Variants in ANKH observed in about 807,000 individuals in gnomAD.
ANKH encodes ANKH inorganic pyrophosphate transport regulator, also known as mineralization regulator ANKH.
Under a neutral mutation model 49.0 loss-of-function variants are expected in ANKH, and 15 were observed. That is an observed-to-expected ratio of 0.31 (90% CI 0.20 to 0.47). The LOEUF (loss-of-function observed/expected upper bound fraction) is 0.47, where lower values mean the gene tolerates loss of function less well. Ranked by LOEUF, ANKH falls within the 20% of genes least tolerant of loss-of-function variation. The pLI, the probability that ANKH is intolerant of heterozygous loss-of-function variation, is 1.00. For synonymous variants in ANKH, 273 were observed against 260.0 expected (o/e 1.05, Z -0.48); for missense variants, 429 against 652.0 (o/e 0.66, Z 3.72).
chr5:14,828,350 C>A (rs939655180), intron 1 of ANKH, among the ~76,000 whole-genome samples: 7 of 151,906 alleles, frequency 4.6e-5, no homozygotes, highest in African/African-American at 1.7e-4. Context: ...AACAAACAAA[C>A]AACAAAAACA....
chr5:14,716,055 G>T (rs1040289036), intron 9 of ANKH, among the ~76,000 whole-genome samples: 5 of 151,916 alleles, frequency 3.3e-5, no homozygotes, highest in African/African-American at 9.7e-5. Context: ...TGGCTTTTTG[G>T]TGCACAGTTT....
chr5:14,868,524 T>G (rs1735722438), intron 1 of ANKH: 1 of 151,614 alleles, frequency 6.6e-6, no homozygotes, highest in Non-Finnish European at 1.5e-5. Context: ...CTCAGCCTCC[T>G]GAGTAGCTAG....
intron 2 of ANKH, 28 bp downstream of exon 2, chr5:14,768,947 A>G (rs200256203): frequency 4.3e-6 from 7 of 1,609,638 alleles, no homozygotes; most frequent in Middle Eastern, 1.7e-4. Context: ...CCAAAGCTAG[A>G]TTCGTCAGTG....
At chr5:14,828,362 C>T (rs1741406185) in intron 1 of ANKH, among the ~76,000 whole-genome samples, 1 of 151,964 alleles carries the variant, frequency 6.6e-6, no homozygotes, top group Non-Finnish European at 1.5e-5. Flanking sequence ...ACAAAAACAA[C>T]TATAAAAATC....
At chr5:14,711,356 C>T (rs1399682621) in intron 11 of ANKH, 46 bp from the exon 12 acceptor site, 1 of 1,525,738 alleles carries the variant, frequency 6.6e-7, no homozygotes, top group Admixed American at 1.7e-5. Flanking sequence ...GATGGGGACA[C>T]TGCACAGCAG....
chr5:14,709,580 C>T lies in ANKH; in HGVS notation c.*1617G>A, dbSNP rs368637904. Reference sequence around the variant, plus strand: ...CACACAGCACTGAAAACGGTAGACACAAAGGGCCTGCCTTTTTCTTTCTCA... The same window carrying T: ...CACACAGCACTGAAAACGGTAGACATAAAGGGCCTGCCTTTTTCTTTCTCA... On this transcript the variant is annotated 3_prime_UTR_variant, in exon 12 of 12. Transcript: ENST00000284268. 5.3e-5 allele frequency: 8 copies of T among 152,330 alleles called. No homozygotes were observed. The highest frequency in any genetic ancestry group is 1.9e-4 in the African/African-American group (8 of 41,574). 9.4% of individuals were successfully genotyped at this position (152,330 alleles called of 1,614,324 possible).
intron 1 of ANKH, among the ~76,000 whole-genome samples, chr5:14,782,659 A>G (rs1580063739): frequency 6.6e-6 from 1 of 152,232 alleles, no homozygotes; most frequent in African/African-American, 2.4e-5. Flanking sequence ...TACAACAAGC[A>G]TTACGGCGCA....
intron 1 of ANKH, among the ~76,000 whole-genome samples, chr5:14,773,353 CTTTTTTTTTTT>C (rs71603741): frequency 2.6e-5 from 2 of 77,016 alleles, no homozygotes; most frequent in East Asian, 4.4e-4. Context: ...GCAAAGCATT[CTTTTTTTTTTT>C]TTTTTTTTTT....
At position 14,871,456 on chromosome 5, in the gene ANKH, C is replaced by A. The variant is rs1204158007; in HGVS notation, c.-9G>T. The A allele has an allele frequency of 6.2e-7, 1 of 1,610,148 alleles. No homozygotes were observed. The highest frequency in any genetic ancestry group is 1.1e-5 in the South Asian group (1 of 90,974). On this transcript the variant is annotated 5_prime_UTR_variant, in exon 1 of 12. Transcript: ENST00000284268. ...GCCGGGAATTTCACCATAGTCCCCGCCGTGGGCTGACCCCACACACATCTG... is the reference window on the plus strand; with the variant it reads ...GCCGGGAATTTCACCATAGTCCCCGACGTGGGCTGACCCCACACACATCTG...
At chr5:14,775,298 C>T (rs1430717839) in intron 1 of ANKH, among the ~76,000 whole-genome samples, 1 of 152,078 alleles carries the variant, frequency 6.6e-6, no homozygotes, top group Non-Finnish European at 1.5e-5. Context: ...TGGCTGAACT[C>T]CCGGGCTCAA....
intron 4 of ANKH, among the ~76,000 whole-genome samples, chr5:14,755,182 TA>T (rs1426161862): frequency 6.6e-6 from 1 of 152,168 alleles, no homozygotes; most frequent in Admixed American, 6.5e-5. Flanking sequence ...GTCTAATTTA[TA>T]AATCATAAGA....
chr5:14,824,629 C>A (rs922074112), intron 1 of ANKH, among the ~76,000 whole-genome samples: 1 of 152,200 alleles, frequency 6.6e-6, no homozygotes, highest in African/African-American at 2.4e-5. Context: ...TTTGTGAGAT[C>A]ATTTCATCAG....
chr5:14,807,551 A>G (rs888907794), intron 1 of ANKH, among the ~76,000 whole-genome samples: 1 of 152,206 alleles, frequency 6.6e-6, no homozygotes, highest in African/African-American at 2.4e-5. Context: ...TAAACCTATT[A>G]AAATGCAATG....
rs1183307559 is a variant in ANKH at position 14,707,406 on chromosome 5, A to G, written c.*3791T>C. ...CCCCTTCCCTCCAGAAGATCCCCAA[A>G]TGGGGAACAAGTAAGAGAGCAGAGA... On this transcript the variant is annotated 3_prime_UTR_variant, in exon 12 of 12. Transcript: ENST00000284268. 1 of 152,212 alleles carries G rather than the reference A, an allele frequency of 6.6e-6. No individual in the cohort carries two copies. The highest frequency in any genetic ancestry group is 1.9e-4 in the East Asian group (1 of 5,200). The allele number at this position is 152,212 out of a possible 1,614,324, so 9.4% of individuals were successfully genotyped here.
intron 1 of ANKH, among the ~76,000 whole-genome samples, chr5:14,809,327 G>A (rs999395390): frequency 2.1e-5 from 1 of 46,756 alleles, no homozygotes; most frequent in African/African-American, 9.3e-5. Context: ...CTAAAACTTA[G>A]AGTATAATAA....
intron 1 of ANKH, among the ~76,000 whole-genome samples, chr5:14,774,500 T>C (rs539625223): frequency 6.6e-6 from 1 of 152,240 alleles, no homozygotes; most frequent in South Asian, 2.1e-4. Flanking sequence ...TGCAGTGGCA[T>C]GATCTCGGCT....
intron 1 of ANKH, among the ~76,000 whole-genome samples, chr5:14,785,359 G>C (rs1030803786): frequency 6.6e-6 from 1 of 152,198 alleles, no homozygotes. Flanking sequence ...ATGGTGATGA[G>C]TGAGTTCTTG....
At chr5:14,832,632 G>A (rs1580103399) in intron 1 of ANKH, among the ~76,000 whole-genome samples, 1 of 152,326 alleles carries the variant, frequency 6.6e-6, no homozygotes, top group South Asian at 2.1e-4. Flanking sequence ...GTTGGAGGAA[G>A]TAAGTTTCCA....
chr5:14,860,238 GA>G (rs995430469), intron 1 of ANKH, among the ~76,000 whole-genome samples: 7 of 152,304 alleles, frequency 4.6e-5, no homozygotes, highest in African/African-American at 1.7e-4. Flanking sequence ...AGGGACATTC[GA>G]ACACAGAAAC....
Sources: gnomAD v4.1 joint callset for allele counts (sites outside exome capture counted in the v4.1 genomes callset) on GRCh38, gnomAD v4.1.1 for gene constraint, MANE v1.5 for transcripts, NCBI Gene and HGNC (gene_info 2026-07-23, HGNC 2026-07-21) for gene names.